Variants in AKAP19 observed in about 807,000 individuals in gnomAD.
AKAP19 encodes the protein small A-kinase anchoring protein.
the AKAP19 span, among the ~76,000 whole-genome samples, chr2:189,908,000 C>T: frequency 6.6e-6 from 1 of 152,018 alleles, no homozygotes; most frequent in East Asian, 1.9e-4. Flanking sequence ...TCAAAAAAAT[C>T]GTTCTTAGTT....
the AKAP19 span, chr2:190,060,047 T>G: frequency 3.1e-6 from 5 of 1,609,220 alleles, no homozygotes; most frequent in African/African-American, 1.3e-5. Flanking sequence ...AATGTTATTT[T>G]CAGTTATCAC....
the AKAP19 span, among the ~76,000 whole-genome samples, chr2:190,183,813 C>G: frequency 2.6e-5 from 4 of 151,602 alleles, no homozygotes; most frequent in Non-Finnish European, 5.9e-5. Flanking sequence ...TTAAAATGAC[C>G]TCTTCTGCTT....
the AKAP19 span, chr2:190,137,791 A>T: frequency 2.5e-4 from 1 of 3,984 alleles, no homozygotes; most frequent in Non-Finnish European, 3.9e-3. Context: ...TTCAGGAGCT[A>T]TCAGCCTATT....
At chr2:189,986,368 C>CA in the AKAP19 span, among the ~76,000 whole-genome samples, 4 of 142,360 alleles carry the variant, frequency 2.8e-5, no homozygotes, top group African/African-American at 1.0e-4. Flanking sequence ...GATGGGGGAG[C>CA]AAAAAAAAAA....
chr2:189,889,548 T>TGTCTGG, the AKAP19 span, among the ~76,000 whole-genome samples: 1 of 152,188 alleles, frequency 6.6e-6, no homozygotes, highest in Admixed American at 6.5e-5. Flanking sequence ...GCTGTGAATC[T>TGTCTGG]GTCTGGTCCT....
the AKAP19 span, chr2:190,060,329 C>CAA: frequency 6.2e-7 from 1 of 1,612,806 alleles, no homozygotes; most frequent in Non-Finnish European, 8.5e-7. Flanking sequence ...CGACGGGTCT[C>CAA]AAATATATCC....
chr2:190,201,351 T>C, the AKAP19 span: 3 of 166,944 alleles, frequency 1.8e-5, no homozygotes, highest in African/African-American at 7.2e-5. Flanking sequence ...GAAGAAGAAA[T>C]TAAGACATGA....
the AKAP19 span, chr2:189,931,141 T>C: frequency 3.1e-6 from 1 of 327,494 alleles, no homozygotes; most frequent in Non-Finnish European, 5.7e-6. Flanking sequence ...TTTCCTCCAC[T>C]AGTTTTAGCA....
the AKAP19 span, among the ~76,000 whole-genome samples, chr2:190,163,372 T>TG: frequency 6.6e-6 from 1 of 151,552 alleles, no homozygotes; most frequent in Non-Finnish European, 1.5e-5. Context: ...AGGCAGAGCT[T>TG]GCAGTGAGCC....
the AKAP19 span, among the ~76,000 whole-genome samples, chr2:189,920,774 C>T: frequency 1.3e-5 from 2 of 152,178 alleles, no homozygotes; most frequent in Non-Finnish European, 2.9e-5. Context: ...GAATAATGAC[C>T]TGGCCAAGTG....
chr2:190,058,287 CATGAAAAA>C, the AKAP19 span, among the ~76,000 whole-genome samples: 1 of 151,954 alleles, frequency 6.6e-6, no homozygotes, highest in East Asian at 1.9e-4. Context: ...TTTCCCTTTA[CATGAAAAA>C]ATCTGAGGAA....
At chr2:189,985,195 A>G in the AKAP19 span, among the ~76,000 whole-genome samples, 1 of 152,094 alleles carries the variant, frequency 6.6e-6, no homozygotes, top group Admixed American at 6.5e-5. Context: ...TCTGCATCCC[A>G]ACTTCTTACT....
chr2:190,022,357 T>C, the AKAP19 span, among the ~76,000 whole-genome samples: 4 of 152,240 alleles, frequency 2.6e-5, no homozygotes, highest in African/African-American at 9.6e-5. Flanking sequence ...TGTACAAAGG[T>C]AAATTCCTAA....
chr2:190,083,182 A>G, the AKAP19 span, among the ~76,000 whole-genome samples: 1 of 152,058 alleles, frequency 6.6e-6, no homozygotes, highest in African/African-American at 2.4e-5. Flanking sequence ...AGTTTGAGAC[A>G]AGCCTGGGCA....
chr2:189,917,259 C>T, the AKAP19 span: 58 of 1,302,116 alleles, frequency 4.5e-5, no homozygotes, highest in East Asian at 3.0e-4. Flanking sequence ...ACACTGTCTT[C>T]GCTGTCTGAG....
chr2:189,932,739 A>T, the AKAP19 span, among the ~76,000 whole-genome samples: 27 of 151,524 alleles, frequency 1.8e-4, no homozygotes, highest in Non-Finnish European at 1.5e-5. Context: ...CATTACTATC[A>T]TTAGTTATTT....
the AKAP19 span, among the ~76,000 whole-genome samples, chr2:189,908,943 A>T: frequency 6.6e-6 from 1 of 152,134 alleles, no homozygotes; most frequent in Non-Finnish European, 1.5e-5. Flanking sequence ...ATCCATTCTT[A>T]AAAGTGAGAT....
chr2:190,149,814 G>A, the AKAP19 span, among the ~76,000 whole-genome samples: 1 of 152,144 alleles, frequency 6.6e-6, no homozygotes, highest in Non-Finnish European at 1.5e-5. Flanking sequence ...GAAGTGTTCT[G>A]TATATATCTG....
chr2:190,134,238 T>C, the AKAP19 span, among the ~76,000 whole-genome samples: 1 of 152,142 alleles, frequency 6.6e-6, no homozygotes, highest in South Asian at 2.1e-4. Context: ...CTCTCGTTCA[T>C]TGAAAATATA....
Sources: allele counts gnomAD v4.1 joint callset (sites outside exome capture counted in the v4.1 genomes callset), GRCh38; gene constraint gnomAD v4.1.1; transcripts MANE v1.5; gene names NCBI Gene and HGNC (gene_info 2026-07-23, HGNC 2026-07-21).